MARK1: variants seen among roughly 807,000 people sequenced by gnomAD.
MARK1 encodes microtubule affinity regulating kinase 1.
Under a neutral mutation model 96.3 loss-of-function variants are expected in MARK1, and 40 were observed. The ratio of observed to expected loss-of-function variants is 0.42; its 90% confidence interval spans 0.32 to 0.54. MARK1 has a LOEUF of 0.54. Among genes scored for constraint, MARK1 ranks in the 20% least tolerant of loss-of-function variants. MARK1 has a pLI of 0.16. For missense variants in MARK1, 719 were observed against 984.6 expected, an observed-to-expected ratio of 0.73 and a Z score of 3.61; for synonymous variants, 317 against 341.2, an observed-to-expected ratio of 0.93 and a Z score of 0.78.
At position 220,567,529 on chromosome 1, in the gene MARK1, T is replaced by C. The variant is rs369049731; in HGVS notation, c.52-11825T>C. ...AGGCCTCTTCCGATTCCTGAAGAGA[T>C]ACCCGAAAGCTAGAATTGCTACTCT... is the stretch of plus-strand genomic sequence containing the variant. On this transcript the variant is annotated intron_variant, in intron 1 of 17. Transcript: ENST00000366917. 2.6e-4 allele frequency among the ~76,000 whole-genome samples: 40 copies of C among 152,280 alleles called. No individual in the cohort carries two copies. In the East Asian group the frequency reaches 7.1e-3, roughly 27 times the overall value.
intron 6 of MARK1, among the ~76,000 whole-genome samples, chr1:220,613,016 C>T (rs1190602119): frequency 6.6e-6 from 1 of 152,100 alleles, no homozygotes; most frequent in Non-Finnish European, 1.5e-5. Context: ...ATAACTCCAC[C>T]TCAATGGAAA....
chr1:220,586,700 T>C (rs1191174615), intron 3 of MARK1, among the ~76,000 whole-genome samples: 1 of 152,180 alleles, frequency 6.6e-6, no homozygotes, highest in Non-Finnish European at 1.5e-5. Context: ...CTGAAATCAA[T>C]GTGGAAGAAT....
intron 1 of MARK1, among the ~76,000 whole-genome samples, chr1:220,572,323 C>T (rs868410039): frequency 1.6e-4 from 25 of 152,156 alleles, no homozygotes; most frequent in Admixed American, 2.0e-4. Context: ...CTCACCACAA[C>T]CTCTGCTTCC....
intron 6 of MARK1, among the ~76,000 whole-genome samples, chr1:220,608,188 C>G (rs1666204927): frequency 6.6e-6 from 1 of 152,242 alleles, no homozygotes; most frequent in South Asian, 2.1e-4. Flanking sequence ...TGGTCCCGGA[C>G]TTTTTTTGGT....
At chr1:220,603,975 T>A in intron 5 of MARK1, 92 bp from the exon 6 acceptor site, 1 of 719,978 alleles carries the variant, frequency 1.4e-6, no homozygotes, top group Non-Finnish European at 2.2e-6. Context: ...GCCAAAAGTT[T>A]CTTTATAAAC....
chr1:220,561,030 AAG>A (rs1662633089), intron 1 of MARK1, among the ~76,000 whole-genome samples: 1 of 152,008 alleles, frequency 6.6e-6, no homozygotes, highest in Non-Finnish European at 1.5e-5. Context: ...GCAAATATGG[AAG>A]AGAGTGTGGA....
intron 3 of MARK1, among the ~76,000 whole-genome samples, chr1:220,587,329 T>TTCTC (rs57932958): frequency 2.2e-5 from 3 of 135,886 alleles, no homozygotes; most frequent in African/African-American, 8.4e-5. Context: ...CTCTCTTTCT[T>TTCTC]TCTCTCTCTC....
chr1:220,572,742 A>G (rs1438712342), intron 1 of MARK1, among the ~76,000 whole-genome samples: 1 of 151,954 alleles, frequency 6.6e-6, no homozygotes, highest in African/African-American at 2.4e-5. Context: ...TTACCCACAT[A>G]TTTTCTAGTT....
chr1:220,534,839 T>C (rs1475004346), intron 1 of MARK1, among the ~76,000 whole-genome samples: 4 of 152,178 alleles, frequency 2.6e-5, no homozygotes, highest in South Asian at 4.1e-4. Flanking sequence ...ATCCATGTTA[T>C]AGCATATGAC....
intron 11 of MARK1, among the ~76,000 whole-genome samples, chr1:220,634,726 G>A (rs2103013686): frequency 6.6e-6 from 1 of 152,244 alleles, no homozygotes; most frequent in South Asian, 2.1e-4. Flanking sequence ...AAGTTTGCTG[G>A]CAGCAAACAA....
chr1:220,656,344 C>A (rs1490051441), intron 16 of MARK1, among the ~76,000 whole-genome samples: 5 of 152,160 alleles, frequency 3.3e-5, no homozygotes, highest in African/African-American at 1.2e-4. Flanking sequence ...TCAATTACAG[C>A]AGAGGAGATA....
At chr1:220,565,440 T>C (rs1662977434) in intron 1 of MARK1, among the ~76,000 whole-genome samples, 1 of 152,198 alleles carries the variant, frequency 6.6e-6, no homozygotes, top group African/African-American at 2.4e-5. Context: ...TTTGTTGAAG[T>C]TGCCGTCATT....
At chr1:220,545,568 C>G (rs866326120) in intron 1 of MARK1, among the ~76,000 whole-genome samples, 3 of 150,238 alleles carry the variant, frequency 2.0e-5, no homozygotes, top group Non-Finnish European at 4.4e-5. Flanking sequence ...TCCTGAGTAG[C>G]TGGGACTATA....
At chr1:220,630,928 A>G (rs1382889424) in intron 9 of MARK1, 107 bp from the exon 10 acceptor site, 12 of 747,980 alleles carry the variant, frequency 1.6e-5, no homozygotes, top group African/African-American at 3.5e-5. Context: ...GAAATGTCAC[A>G]TGAAACTTCT....
chr1:220,586,278 C>G (rs1215281380), intron 3 of MARK1, among the ~76,000 whole-genome samples: 2 of 152,248 alleles, frequency 1.3e-5, no homozygotes, highest in African/African-American at 2.4e-5. Flanking sequence ...TTCATCTGCT[C>G]CTATTCATAC....
intron 1 of MARK1, among the ~76,000 whole-genome samples, chr1:220,556,330 A>G (rs539309049): frequency 1.2e-4 from 18 of 152,268 alleles, no homozygotes; most frequent in African/African-American, 4.3e-4. Flanking sequence ...ATTATTCTAA[A>G]TAAATGAAAA....
At chr1:220,641,303 G>C (rs1668255132) in intron 13 of MARK1, among the ~76,000 whole-genome samples, 1 of 152,168 alleles carries the variant, frequency 6.6e-6, no homozygotes, top group South Asian at 2.1e-4. Flanking sequence ...AGGGCCTTTA[G>C]GAGGTGATTA....
At chr1:220,616,334 A>G (rs542178897) in intron 7 of MARK1, among the ~76,000 whole-genome samples, 9 of 152,316 alleles carry the variant, frequency 5.9e-5, no homozygotes, top group African/African-American at 2.2e-4. Flanking sequence ...TGTTTCCCTT[A>G]CGTAAGAGAC....
chr1:220,607,817 G>A (rs1368623773), intron 6 of MARK1, among the ~76,000 whole-genome samples: 5 of 152,028 alleles, frequency 3.3e-5, no homozygotes, highest in African/African-American at 9.7e-5. Flanking sequence ...TGAGATAATC[G>A]TGGTTTTCAT....
Sources: gnomAD v4.1 joint callset for allele counts (sites outside exome capture counted in the v4.1 genomes callset) on GRCh38, gnomAD v4.1.1 for gene constraint, MANE v1.5 for transcripts, NCBI Gene and HGNC (gene_info 2026-07-23, HGNC 2026-07-21) for gene names.